The following OR11G2 variants were observed in gnomAD, a reference collection of about 807,000 sequenced individuals.
OR11G2 encodes olfactory receptor family 11 subfamily G member 2.
In OR11G2, 2 loss-of-function variants were observed where a neutral mutation model predicts 0.9. The observed-to-expected ratio is 2.35, with a 90% CI of 0.96 to 7.38. The LOEUF (loss-of-function observed/expected upper bound fraction) is 7.38, where lower values mean the gene tolerates loss of function less well. Ranked by LOEUF, OR11G2 falls within the 30% of genes most tolerant of loss-of-function variation. OR11G2 has a pLI of 0.05. For synonymous variants in OR11G2, 153 were observed against 142.0 expected, an observed-to-expected ratio of 1.08 and a Z score of -0.55; for missense variants, 395 against 371.3, an observed-to-expected ratio of 1.06 and a Z score of -0.52.
Position 20,198,052 on chromosome 14 carries a change from C to T in OR11G2, c.615C>T (p.Val205=), listed in dbSNP as rs376079591. ...KGPVIELVFS[V]LSPLPVFMLF... ...CTGTGATAGAGCTTGTCTTTTCTGT[C>T]TTAAGTCCTCTGCCTGTCTTTATGC... Residue 205 remains valine (V), a synonymous_variant, in exon 2 of 2, where the codon GTC becomes GTT. Transcript: ENST00000641879. 7 of 1,613,966 alleles carry T rather than the reference C, an allele frequency of 4.3e-6. No homozygotes were observed. The African/African-American group carries it at 9.3e-5, about 22-fold the overall frequency.
Position 20,200,156 on chromosome 14 carries a change from CAAAAAAA to C in OR11G2, c.*1796_*1802del, listed in dbSNP as rs10684373. ...TTTGCTGAGGATAATGACTTAATTCCAAAAAAAAAAAAAAAAAAAGTTCCTATCCACC... is the reference window on the plus strand; with the variant it reads ...TTTGCTGAGGATAATGACTTAATTCCAAAAAAAAAAAAGTTCCTATCCACC... On this transcript the variant is annotated 3_prime_UTR_variant, in exon 2 of 2. Coordinates refer to ENST00000641879, the MANE Select transcript of OR11G2 (RefSeq NM_001386033.1). 9 of 128,354 alleles carry C rather than the reference CAAAAAAA, an allele frequency of 7.0e-5. No individual in the cohort carries two copies. Among genetic ancestry groups the C allele is most frequent in the African/African-American group, 2.3e-4 (8 of 34,754 alleles). The allele number at this position is 128,354 out of a possible 1,614,324, so 8.0% of individuals were successfully genotyped here.
In OR11G2 at chr14:20,191,421, G is replaced by A. The variant is rs1433213321; in HGVS notation, c.-250G>A. On this transcript the variant is annotated 5_prime_UTR_variant, in exon 1 of 2. Coordinates refer to ENST00000641879, the MANE Select transcript of OR11G2 (RefSeq NM_001386033.1). ...ACAGGAGCTGGCTAACTTAATGTGG[G>A]TCTAATCCAACATTTCTGAGATATA... is the stretch of plus-strand genomic sequence containing the variant. 4 of 152,184 alleles carry A rather than the reference G, an allele frequency of 2.6e-5. No individual in the cohort carries two copies. The highest frequency in any genetic ancestry group is 1.3e-4 in the Admixed American group (2 of 15,284). 9.4% of individuals were successfully genotyped at this position (152,184 alleles called of 1,614,324 possible).
chr14:20,193,139 G>A (rs1442632686), intron 1 of OR11G2, among the ~76,000 whole-genome samples: 1 of 152,056 alleles, frequency 6.6e-6, no homozygotes, highest in Non-Finnish European at 1.5e-5. Flanking sequence ...TTGTATTGAG[G>A]CAGAGTCTCA....
chr14:20,197,391 T>A (rs1879774072), intron 1 of OR11G2, 43 bp from the exon 2 acceptor site: 13 of 1,608,354 alleles, frequency 8.1e-6, no homozygotes, highest in Non-Finnish European at 1.1e-5. Context: ...CATCTATGTT[T>A]GCACCGTCAT....
chr14:20,198,398 G>A lies in OR11G2; in HGVS notation c.*25G>A, dbSNP rs1594225042. ...AAATGTTAATCAAAAAGGTCCTTGCGTAATTAATCTTGTCTTTAATTTTGG... is the reference window on the plus strand; with the variant it reads ...AAATGTTAATCAAAAAGGTCCTTGCATAATTAATCTTGTCTTTAATTTTGG... On this transcript the variant is annotated 3_prime_UTR_variant, in exon 2 of 2. Coordinates refer to ENST00000641879, the MANE Select transcript of OR11G2 (RefSeq NM_001386033.1). The A allele has an allele frequency of 6.9e-6, 10 of 1,446,310 alleles. No individual in the cohort carries two copies. Among genetic ancestry groups the A allele is most frequent in the Non-Finnish European group, 9.3e-6 (10 of 1,070,496 alleles). 89.6% of individuals were successfully genotyped at this position (1,446,310 alleles called of 1,614,324 possible).
rs780331281 is a variant in OR11G2 at position 20,197,755 on chromosome 14, CT to C, written c.323del (p.Phe108SerfsTer33). 5 of 1,614,054 alleles carry C rather than the reference CT, an allele frequency of 3.1e-6. No individual in the cohort carries two copies. In the East Asian group the frequency reaches 1.1e-4, roughly 36 times the overall value. On this transcript the variant is annotated frameshift_variant, in exon 2 of 2. Transcript: ENST00000641879. LOFTEE classifies it low-confidence loss of function (END_TRUNC). Reference protein sequence around the residue: ...SFSGCFLQFYFFFSLGSTECF... With the variant: ...SFSGCFLQFYXFFSLGSTECF... ...TCTCTGGCTGCTTCCTCCAGTTCTACTTTTTCTTCTCCTTGGGCTCTACAGA... is the reference window on the plus strand; with the variant it reads ...TCTCTGGCTGCTTCCTCCAGTTCTACTTTTCTTCTCCTTGGGCTCTACAGA...
At position 20,200,040 on chromosome 14, in the gene OR11G2, G is replaced by A. The variant is rs1371052813; in HGVS notation, c.*1667G>A. ...CCTTGAACTTTCCCCTAGGCCTGGA[G>A]TGAAAGGTCATGCTATGATTGAAGT... On this transcript the variant is annotated 3_prime_UTR_variant, in exon 2 of 2. Transcript: ENST00000641879. 4.6e-5 allele frequency: 7 copies of A among 151,386 alleles called. No individual in the cohort carries two copies. The highest frequency in any genetic ancestry group is 1.0e-4 in the Non-Finnish European group (7 of 67,930). 9.4% of individuals were successfully genotyped at this position (151,386 alleles called of 1,614,324 possible).
rs1879885485 is a variant in OR11G2 at position 20,200,686 on chromosome 14, T to C, written c.*2313T>C. On this transcript the variant is annotated 3_prime_UTR_variant, in exon 2 of 2. Coordinates refer to ENST00000641879, the MANE Select transcript of OR11G2 (RefSeq NM_001386033.1). ...TTTAACCTACAGATATTTTTACACA[T>C]GTGGGAAATGTTTACTGCAGCATTG... 6.6e-6 allele frequency: 1 copy of C among 152,242 alleles called. No homozygotes were observed. Among genetic ancestry groups the C allele is most frequent in the Non-Finnish European group, 1.5e-5 (1 of 68,046 alleles). 9.4% of individuals were successfully genotyped at this position (152,242 alleles called of 1,614,324 possible).
chr14:20,198,466 C>T lies in OR11G2; in HGVS notation c.*93C>T, dbSNP rs1173500870. Reference sequence around the variant, plus strand: ...GGTCTTGGCCAGGCGCGGTGGCTTACGCCTGTAATCCCAGCACTTTGGGAG... The same window carrying T: ...GGTCTTGGCCAGGCGCGGTGGCTTATGCCTGTAATCCCAGCACTTTGGGAG... On this transcript the variant is annotated 3_prime_UTR_variant, in exon 2 of 2. Transcript: ENST00000641879. 3.2e-5 allele frequency: 27 copies of T among 841,748 alleles called. No individual in the cohort carries two copies. In the East Asian group the frequency reaches 6.7e-4, roughly 21 times the overall value. 52.1% of individuals were successfully genotyped at this position (841,748 alleles called of 1,614,324 possible).
intron 1 of OR11G2, among the ~76,000 whole-genome samples, chr14:20,192,660 T>C (rs1879676195): frequency 6.6e-6 from 1 of 152,248 alleles, no homozygotes. Flanking sequence ...CTCCTTCATT[T>C]TGAAGTTCAA....
In OR11G2 at chr14:20,192,798, C is replaced by T. The variant is rs373951410; in HGVS notation, c.-5+1132C>T. Among the ~76,000 whole-genome samples, 57 of 152,152 alleles carry T rather than the reference C, an allele frequency of 3.7e-4. 2 individuals carry two copies. The South Asian group carries it at 1.0e-2, about 27-fold the overall frequency. ...TTCCTCAGACTATGTGGGGCACTGG[C>T]GATAAAGAGTGAACTTGAAGTACAA... is the stretch of plus-strand genomic sequence containing the variant. On this transcript the variant is annotated intron_variant, in intron 1 of 1. Transcript: ENST00000641879.
chr14:20,197,338 G>T (rs1161235912), intron 1 of OR11G2, 96 bp from the exon 2 acceptor site: 1 of 1,476,076 alleles, frequency 6.8e-7, no homozygotes, highest in Admixed American at 2.1e-5. Context: ...GTAAATTTAT[G>T]CATTTTCTTT....
rs1879786601 is a variant in OR11G2, at chr14:20,197,697, C to G, written c.260C>G (p.Ala87Gly). 1 of 1,613,896 alleles carries G rather than the reference C, an allele frequency of 6.2e-7. No homozygotes were observed. The highest frequency in any genetic ancestry group is 1.3e-5 in the African/African-American group (1 of 75,026). Reference protein sequence around the residue: ...YVTSTVPSMLANFLSDTKIIS... With the variant: ...YVTSTVPSMLGNFLSDTKIIS... ...ACCTCCACAGTCCCCAGCATGCTGG[C>G]CAACTTCCTCTCTGACACCAAGATC... Residue 87 changes from alanine (A) to glycine (G), a missense_variant, in exon 2 of 2, where the codon GCC becomes GGC. Coordinates refer to ENST00000641879, the MANE Select transcript of OR11G2 (RefSeq NM_001386033.1).
intron 1 of OR11G2, among the ~76,000 whole-genome samples, chr14:20,196,421 C>T (rs563982417): frequency 6.8e-4 from 104 of 152,288 alleles, no homozygotes; most frequent in African/African-American, 2.4e-3. Flanking sequence ...CTCACTTATG[C>T]GCTTATTTAG....
At chr14:20,197,299 G>T in intron 1 of OR11G2, 135 bp from the exon 2 acceptor site, 2 of 1,196,566 alleles carry the variant, frequency 1.7e-6, no homozygotes, top group Non-Finnish European at 2.3e-6. Flanking sequence ...TCTGCATTCT[G>T]TTTTTTACTT....
intron 1 of OR11G2, 120 bp from the exon 2 acceptor site, chr14:20,197,314 C>G (rs754332456): frequency 7.3e-5 from 98 of 1,338,960 alleles, no homozygotes; most frequent in Non-Finnish European, 1.0e-4. Context: ...TTACTTTTTA[C>G]TTTTATTTCA....
chr14:20,193,866 AGT>A (rs1879701606), intron 1 of OR11G2, among the ~76,000 whole-genome samples: 1 of 152,306 alleles, frequency 6.6e-6, no homozygotes, highest in East Asian at 1.9e-4. Context: ...ATTGTTGGCT[AGT>A]GTGTGTGTAG....
chr14:20,198,019 A>G lies in OR11G2; in HGVS notation c.582A>G (p.Lys194=). The part of the protein sequence containing the change: ...DPAPLLTLTC[K]KGPVIELVFS... ...CTCCTCTTCTAACTCTCACTTGCAA[A>G]AAAGGCCCTGTGATAGAGCTTGTCT... The change falls in exon 2 of 2, where the codon AAA becomes AAG. Residue 194 remains lysine (K), a synonymous_variant. Transcript: ENST00000641879. 1 of 1,612,028 alleles carries G rather than the reference A, an allele frequency of 6.2e-7. No individual in the cohort carries two copies. The highest frequency in any genetic ancestry group is 1.3e-5 in the African/African-American group (1 of 74,254).
chr14:20,192,682 G>A (rs909303639), intron 1 of OR11G2, among the ~76,000 whole-genome samples: 5 of 152,142 alleles, frequency 3.3e-5, no homozygotes, highest in African/African-American at 1.2e-4. Flanking sequence ...GAAGTAATTG[G>A]TAAATATCTA....
Sources: gnomAD v4.1 joint callset for allele counts (sites outside exome capture counted in the v4.1 genomes callset) on GRCh38, gnomAD v4.1.1 for gene constraint, MANE v1.5 for transcripts, NCBI Gene and HGNC (gene_info 2026-07-23, HGNC 2026-07-21) for gene names.